Variants in HDAC4 observed in about 807,000 individuals in gnomAD.
The protein encoded by HDAC4 is histone deacetylase 4, also known as histone deacetylase A.
In HDAC4, 16 loss-of-function variants were observed where a neutral mutation model predicts 135.1. The ratio of observed to expected loss-of-function variants is 0.12; its 90% CI spans 0.08 to 0.18. The LOEUF (loss-of-function observed/expected upper bound fraction) is 0.18. Among genes scored for constraint, HDAC4 ranks in the 10% least tolerant of loss-of-function variants. The pLI, the probability that HDAC4 is intolerant of heterozygous loss-of-function variation, is 1.00. For synonymous variants in HDAC4, 685 were observed against 653.4 expected, an observed-to-expected ratio of 1.05 and a Z score of -0.74; for missense variants, 1,143 against 1,511.8, an observed-to-expected ratio of 0.76 and a Z score of 4.05.
intron 1 of HDAC4, among the ~76,000 whole-genome samples, chr2:239,372,075 C>CT (rs935808093): frequency 6.6e-6 from 1 of 152,168 alleles, no homozygotes; most frequent in African/African-American, 2.4e-5. Flanking sequence ...TGCTGGGGGT[C>CT]TCTCCAACGA....
intron 22 of HDAC4, among the ~76,000 whole-genome samples, chr2:239,076,521 C>T (rs2034780360): frequency 6.6e-6 from 1 of 152,222 alleles, no homozygotes; most frequent in Non-Finnish European, 1.5e-5. Flanking sequence ...AAACAAAACT[C>T]ACCACACCTT....
chr2:239,361,363 T>A (rs960189324), intron 1 of HDAC4, among the ~76,000 whole-genome samples: 6 of 152,250 alleles, frequency 3.9e-5, no homozygotes, highest in Non-Finnish European at 7.3e-5. Flanking sequence ...AAGGATCTGA[T>A]ATCAAAGATT....
chr2:239,061,923 C>G (rs1243114255), intron 24 of HDAC4, among the ~76,000 whole-genome samples: 2 of 152,230 alleles, frequency 1.3e-5, no homozygotes, highest in Non-Finnish European at 2.9e-5. Flanking sequence ...AAGCAAAAAC[C>G]TGCTTTGGGC....
intron 11 of HDAC4, 131 bp downstream of exon 11, chr2:239,134,114 G>T (rs865919916): frequency 1.1e-5 from 8 of 727,804 alleles, no homozygotes; most frequent in Admixed American, 1.0e-4. Flanking sequence ...TGATGGGGAT[G>T]TGTGTTTGGG....
Position 239,139,885 on chromosome 2 carries a change from C to T in HDAC4, c.866-89G>A, listed in dbSNP as rs557180402. 3.1e-5 allele frequency: 31 copies of T among 993,902 alleles called. No homozygotes were observed. The highest frequency in any genetic ancestry group is 6.5e-5 in the South Asian group (5 of 76,876). 61.6% of individuals were successfully genotyped at this position (993,902 alleles called of 1,614,324 possible). On this transcript the variant is annotated intron_variant, in intron 8 of 26. Coordinates refer to ENST00000543185, the MANE Select transcript of HDAC4 (RefSeq NM_001378414.1). The surrounding 1 kb of genome is among the most constrained non-coding windows in gnomAD (Gnocchi z 5.3). The stretch of plus-strand genomic sequence containing the variant: ...TGGCCCGAATGCCCGGTGCCTTCCA[C>T]GGACCTGCTCGTTAGCTTGCGACAG...
chr2:239,332,775 CCAAA>C (rs1559368819), intron 2 of HDAC4, among the ~76,000 whole-genome samples: 2 of 151,400 alleles, frequency 1.3e-5, no homozygotes, highest in African/African-American at 2.4e-5. Context: ...ATCAAGAAAA[CCAAA>C]CACAGTTCTT....
chr2:239,129,484 T>G (rs1333417334), intron 11 of HDAC4, among the ~76,000 whole-genome samples: 1 of 152,154 alleles, frequency 6.6e-6, no homozygotes, highest in Non-Finnish European at 1.5e-5. Context: ...GTGGTCCCAG[T>G]GGCCCCCTGC....
At chr2:239,072,461 G>A (rs2034296741) in intron 22 of HDAC4, among the ~76,000 whole-genome samples, 1 of 152,194 alleles carries the variant, frequency 6.6e-6, no homozygotes, top group East Asian at 1.9e-4. Flanking sequence ...ACTTCCTGGA[G>A]CTGCTCAGCC....
Position 239,305,021 on chromosome 2 carries a change from G to A in HDAC4, c.22+47657C>T, listed in dbSNP as rs549080290. On this transcript the variant is annotated intron_variant, in intron 2 of 26. Coordinates refer to ENST00000543185, the MANE Select transcript of HDAC4 (RefSeq NM_001378414.1). ...CGCGCTTTCTTCCAGCCGGCCTGGG[G>A]CATGTCAGGAGGCAGGGCCTGTACT... is the stretch of plus-strand genomic sequence containing the variant. Among the ~76,000 whole-genome samples, 14 of 152,272 alleles carry A rather than the reference G, an allele frequency of 9.2e-5. 1 individual carries two copies. The highest frequency in any genetic ancestry group is 6.8e-3 in the Middle Eastern group (2 of 294).
chr2:239,068,699 C>G lies in HDAC4; in HGVS notation c.2751-92G>C, dbSNP rs2033842856. The G allele has an allele frequency of 9.1e-7, 1 of 1,102,734 alleles. No individual in the cohort carries two copies. Among genetic ancestry groups the G allele is most frequent in the Admixed American group, 1.7e-5 (1 of 59,202 alleles). The allele number at this position is 1,102,734 out of a possible 1,614,324, so 68.3% of individuals were successfully genotyped here. A position where few individuals can be genotyped will look rare whatever the true frequency, so the allele number is the denominator to read the frequency against. ...AAGGTTCCCTCTGGCATTGATAATGCCTGCCCCGCACCCCCTCGGCCACTG... is the reference window on the plus strand; with the variant it reads ...AAGGTTCCCTCTGGCATTGATAATGGCTGCCCCGCACCCCCTCGGCCACTG... On this transcript the variant is annotated intron_variant, in intron 22 of 26. Transcript: ENST00000543185. The surrounding 1 kb of genome is among the most constrained non-coding windows in gnomAD (Gnocchi z 4.4).
intron 12 of HDAC4, among the ~76,000 whole-genome samples, chr2:239,124,675 CGTGTGGCCGCGTT>C (rs2039998752): frequency 7.4e-6 from 1 of 135,726 alleles, no homozygotes; most frequent in African/African-American, 2.6e-5. Context: ...GGTGTGCCGG[CGTGTGGCCGCGTT>C]ATATGACATT....
intron 3 of HDAC4, among the ~76,000 whole-genome samples, chr2:239,203,447 A>C (rs2045876227): frequency 6.6e-6 from 1 of 152,220 alleles, no homozygotes; most frequent in South Asian, 2.1e-4. Context: ...AAATACAAAA[A>C]TTACACTTTC....
intron 2 of HDAC4, among the ~76,000 whole-genome samples, chr2:239,251,061 T>C (rs1442318428): frequency 6.6e-6 from 1 of 152,164 alleles, no homozygotes; most frequent in Non-Finnish European, 1.5e-5. Context: ...TCAGCTCCCT[T>C]AGAGGATGAC....
At chr2:239,329,550 G>C (rs1691419672) in intron 2 of HDAC4, among the ~76,000 whole-genome samples, 1 of 141,522 alleles carries the variant, frequency 7.1e-6, no homozygotes. Context: ...CTCCGGCTGG[G>C]GGAGGGAAGC....
chr2:239,335,842 A>C (rs1425768151), intron 2 of HDAC4, among the ~76,000 whole-genome samples: 1 of 152,226 alleles, frequency 6.6e-6, no homozygotes, highest in Admixed American at 6.5e-5. Context: ...TCAGAGTGTA[A>C]ATTGGTACAA....
At chr2:239,350,611 A>C (rs958959805) in intron 2 of HDAC4, among the ~76,000 whole-genome samples, 10 of 152,068 alleles carry the variant, frequency 6.6e-5, no homozygotes, top group Admixed American at 6.5e-5. Context: ...TCAAGCGATT[A>C]TCCTGCCTGA....
intron 3 of HDAC4, among the ~76,000 whole-genome samples, chr2:239,193,100 C>T (rs1449075522): frequency 6.6e-6 from 1 of 152,172 alleles, no homozygotes; most frequent in African/African-American, 2.4e-5. Flanking sequence ...GCCTACGTCT[C>T]GCCTCATTTA....
chr2:239,338,764 C>T (rs2125854969), intron 2 of HDAC4, among the ~76,000 whole-genome samples: 1 of 152,312 alleles, frequency 6.6e-6, no homozygotes, highest in East Asian at 1.9e-4. Flanking sequence ...CCAGAAGATT[C>T]CATAAGCATC....
At position 239,115,174 on chromosome 2, in the gene HDAC4, G is replaced by C; in HGVS notation, c.1670C>G (p.Ala557Gly). The stretch of plus-strand genomic sequence containing the variant: ...CTGCTTCACCTGCACGCCGGCCTGT[G>C]CGTGCGCCTCCTTCTGCCCCGGCAG... ...DRLPGQKEAH[A>G]QAGVQVKQEP... is the part of the protein sequence containing the mutation. Residue 557 changes from alanine to glycine, a missense_variant, in exon 13 of 27, where the codon GCA becomes GGA. Physicochemically the swap from Ala to Gly is moderately conservative, Grantham distance 60 (BLOSUM62 0). This residue lies in a region of HDAC4 where 196 missense variants were observed against 210.7 expected (regional missense o/e 0.93). Transcript: ENST00000543185. The surrounding 1 kb of genome is among the most constrained non-coding windows in gnomAD (Gnocchi z 6.3). The C allele has an allele frequency of 6.2e-7, 1 of 1,611,136 alleles. No individual in the cohort carries two copies. Among genetic ancestry groups the C allele is most frequent in the Non-Finnish European group, 8.5e-7 (1 of 1,179,940 alleles).
Sources: allele counts gnomAD v4.1 joint callset (sites outside exome capture counted in the v4.1 genomes callset), GRCh38; gene constraint gnomAD v4.1.1; regional missense constraint gnomAD v4.1.1; non-coding constraint Gnocchi (gnomAD v3.1); transcripts MANE v1.5; gene names NCBI Gene and HGNC (gene_info 2026-07-23, HGNC 2026-07-21).